The following DYRK1A variants were observed in gnomAD, a reference collection of about 807,000 sequenced individuals.
DYRK1A encodes the protein dual specificity tyrosine-phosphorylation-regulated kinase 1A.
A neutral mutation model predicts 79.7 loss-of-function variants in DYRK1A; 9 were observed. The ratio of observed to expected loss-of-function variants is 0.11; its 90% CI spans 0.07 to 0.20. DYRK1A has a LOEUF of 0.20. DYRK1A is among the 10% of genes least tolerant of loss of function. The probability of loss-of-function intolerance (pLI) is 1.00; values close to 1 mark genes in which losing one functional copy is unlikely to be tolerated. For synonymous variants in DYRK1A, 349 were observed against 329.7 expected (o/e 1.06, Z -0.63); for missense variants, 622 against 956.0 (o/e 0.65, Z 4.61).
chr21:37,478,386 T>C (rs2052478502), intron 4 of DYRK1A, 86 bp downstream of exon 4: 1 of 1,177,034 alleles, frequency 8.5e-7, no homozygotes, highest in South Asian at 1.5e-5. Context: ...AAACTTTTTT[T>C]TCATTCCTAG....
intron 1 of DYRK1A, among the ~76,000 whole-genome samples, chr21:37,394,132 AAGAT>A (rs1484171649): frequency 2.0e-5 from 3 of 152,204 alleles, no homozygotes; most frequent in African/African-American, 7.2e-5. Flanking sequence ...GGGAAAAAGA[AAGAT>A]AACTTTTTTA....
rs1322961261 is a variant in DYRK1A at position 37,496,071 on chromosome 21, A to T, written c.1072-47A>T. The T allele has an allele frequency of 2.5e-6, 4 of 1,569,556 alleles. No individual in the cohort carries two copies. In the South Asian group the frequency reaches 4.7e-5, roughly 18 times the overall value. On this transcript the variant is annotated intron_variant, in intron 8 of 11. Transcript: ENST00000647188. Reference sequence around the variant, plus strand: ...TGAATGACTTGATGAGCAGGAGTAGATGTACAGTAGAAATTACAGGTTTTG... The same window carrying T: ...TGAATGACTTGATGAGCAGGAGTAGTTGTACAGTAGAAATTACAGGTTTTG...
rs1376670857 is a variant in DYRK1A, at chr21:37,464,154, AG to A, written c.11-8527del. ...TTTTTACTTTTTTGTTTTTAAACTT[AG>A]GGTCTTTTCTCATGCTTTTTGTATT... On this transcript the variant is annotated intron_variant, in intron 2 of 11. Transcript: ENST00000647188. The A allele has an allele frequency of 1.3e-4, 37 of 274,538 alleles. 1 individual carries two copies. Among genetic ancestry groups the A allele is most frequent in the African/African-American group, 6.3e-4 (26 of 40,970 alleles). The allele number at this position is 274,538 out of a possible 1,614,324, so 17.0% of individuals were successfully genotyped here.
At chr21:37,480,951 G>A (rs957515354) in intron 5 of DYRK1A, 125 bp downstream of exon 5, 4 of 692,070 alleles carry the variant, frequency 5.8e-6, no homozygotes, top group African/African-American at 5.6e-5. Flanking sequence ...CAATGGATAT[G>A]CAAGTATTTG....
chr21:37,405,423 G>A lies in DYRK1A; in HGVS notation c.-76-14876G>A, dbSNP rs150391396. 2.8e-4 allele frequency among the ~76,000 whole-genome samples: 43 copies of A among 152,304 alleles called. No individual in the cohort carries two copies. The East Asian group carries it at 7.3e-3, about 26-fold the overall frequency. On this transcript the variant is annotated intron_variant, in intron 1 of 11. Coordinates refer to ENST00000647188, the MANE Select transcript of DYRK1A (RefSeq NM_001347721.2). ...GAGTCAAGTCATCCCACCTCTGTGA[G>A]ACTTGCTTGATTATTTGCAGGCATC...
chr21:37,385,082 A>G (rs944401872), intron 1 of DYRK1A, among the ~76,000 whole-genome samples: 1 of 152,036 alleles, frequency 6.6e-6, no homozygotes, highest in Non-Finnish European at 1.5e-5. Context: ...AGTTGGCTTC[A>G]TATATACATC....
At chr21:37,387,252 C>T (rs1232659246) in intron 1 of DYRK1A, among the ~76,000 whole-genome samples, 1 of 152,158 alleles carries the variant, frequency 6.6e-6, no homozygotes, top group Non-Finnish European at 1.5e-5. Flanking sequence ...AACATTAAGC[C>T]ACCTATCACA....
intron 2 of DYRK1A, among the ~76,000 whole-genome samples, chr21:37,436,757 C>T (rs777806672): frequency 4.6e-5 from 7 of 152,176 alleles, no homozygotes; most frequent in East Asian, 1.9e-4. Context: ...CTTAATCACA[C>T]GTCCCCAGGC....
At chr21:37,454,869 AC>A (rs1282569451) in intron 2 of DYRK1A, among the ~76,000 whole-genome samples, 2 of 152,190 alleles carry the variant, frequency 1.3e-5, no homozygotes, top group African/African-American at 4.8e-5. Flanking sequence ...TGAGAAGGGC[AC>A]CTTATCCAGA....
intron 1 of DYRK1A, among the ~76,000 whole-genome samples, chr21:37,403,657 A>C (rs1366590671): frequency 8.0e-6 from 1 of 124,952 alleles, no homozygotes. Flanking sequence ...AAATATATAT[A>C]TATATATGTG....
intron 2 of DYRK1A, among the ~76,000 whole-genome samples, chr21:37,461,209 T>G (rs888103608): frequency 2.0e-5 from 3 of 152,204 alleles, no homozygotes; most frequent in African/African-American, 7.2e-5. Context: ...TGATTATTTT[T>G]GATTTTCAAA....
intron 1 of DYRK1A, among the ~76,000 whole-genome samples, chr21:37,399,288 C>T (rs576418200): frequency 2.6e-5 from 4 of 152,224 alleles, no homozygotes; most frequent in African/African-American, 7.2e-5. Context: ...CCATAAGACT[C>T]TTCCTCCTTT....
intron 1 of DYRK1A, among the ~76,000 whole-genome samples, chr21:37,387,854 T>C (rs772662789): frequency 2.6e-5 from 4 of 152,224 alleles, no homozygotes; most frequent in Admixed American, 6.5e-5. Context: ...GAGAATTCTG[T>C]ATATGTGGCT....
chr21:37,386,089 C>T (rs944016996), intron 1 of DYRK1A, among the ~76,000 whole-genome samples: 1 of 152,058 alleles, frequency 6.6e-6, no homozygotes, highest in African/African-American at 2.4e-5. Context: ...TAGAGGTGAA[C>T]TAATTTTCCC....
rs1233055161 is a variant in DYRK1A, at chr21:37,521,504, G to C, written c.*8973G>C. The C allele has an allele frequency of 3.9e-5, 6 of 152,234 alleles. No individual in the cohort carries two copies. 9.4% of individuals were successfully genotyped at this position (152,234 alleles called of 1,614,324 possible). On this transcript the variant is annotated 3_prime_UTR_variant, in exon 12 of 12. Coordinates refer to ENST00000647188, the MANE Select transcript of DYRK1A (RefSeq NM_001347721.2). ...GTGCAAAGCACTTAGCTAGGTCTTA[G>C]GGATGAGGACAAAAAGCATGTCACA... is the stretch of plus-strand genomic sequence containing the variant.
intron 1 of DYRK1A, among the ~76,000 whole-genome samples, chr21:37,411,755 T>G (rs959978687): frequency 6.6e-6 from 1 of 152,208 alleles, no homozygotes; most frequent in African/African-American, 2.4e-5. Context: ...ATTTAGAGAA[T>G]ACAGATAAGA....
chr21:37,389,182 C>T (rs529774697), intron 1 of DYRK1A, among the ~76,000 whole-genome samples: 75 of 151,262 alleles, frequency 5.0e-4, no homozygotes, highest in Non-Finnish European at 8.7e-4. Context: ...CTTGGCCTTA[C>T]TTTTCTCTCT....
At position 37,464,323 on chromosome 21, in the gene DYRK1A, A is replaced by G. The variant is rs185791361; in HGVS notation, c.11-8361A>G. 5.1e-5 allele frequency: 25 copies of G among 489,478 alleles called. 1 individual carries two copies. Among genetic ancestry groups the G allele is most frequent in the Non-Finnish European group, 6.0e-5 (15 of 249,488 alleles). 30.3% of individuals were successfully genotyped at this position (489,478 alleles called of 1,614,324 possible). On this transcript the variant is annotated intron_variant, in intron 2 of 11. Transcript: ENST00000647188. ...TCTCTAGTTATTATAGTTCCTTGCT[A>G]GAACATAGTAACGTGGCTGAAGTAA...
chr21:37,479,589 G>GTTTTGTTTTTGTTTTTGT (rs1219075281), intron 4 of DYRK1A, among the ~76,000 whole-genome samples: 6 of 74,390 alleles, frequency 8.1e-5, no homozygotes, highest in South Asian at 4.9e-4. Context: ...CAGTGTTGGT[G>GTTTTGTTTTTGTTTTTGT]TTTTGTTTTT....
Sources: gnomAD v4.1 joint callset for allele counts (sites outside exome capture counted in the v4.1 genomes callset) on GRCh38, gnomAD v4.1.1 for gene constraint, MANE v1.5 for transcripts, NCBI Gene and HGNC (gene_info 2026-07-23, HGNC 2026-07-21) for gene names.